SLC30A8: variants seen among roughly 807,000 people sequenced by gnomAD.
SLC30A8 encodes solute carrier family 30 member 8.
Under a neutral mutation model 36.9 loss-of-function variants are expected in SLC30A8, and 27 were observed. The observed-to-expected ratio is 0.73, with a 90% CI of 0.54 to 1.01. The LOEUF (loss-of-function observed/expected upper bound fraction) is 1.01. Among genes scored for constraint, SLC30A8 ranks in the 50% least tolerant of loss-of-function variants. The pLI, the probability that SLC30A8 is intolerant of heterozygous loss-of-function variation, is 0.00. For missense variants in SLC30A8, 439 were observed against 452.0 expected (o/e 0.97, Z 0.26); for synonymous variants, 164 against 172.4 (o/e 0.95, Z 0.38).
intron 3 of SLC30A8, among the ~76,000 whole-genome samples, chr8:117,154,579 TC>T (rs1822376860): frequency 6.6e-6 from 1 of 152,328 alleles, no homozygotes; most frequent in East Asian, 1.9e-4. Flanking sequence ...TTGACTTGCT[TC>T]CCTTTAACAT....
At chr8:116,958,156 G>A (rs569821998) in intron 1 of SLC30A8, among the ~76,000 whole-genome samples, 4 of 152,314 alleles carry the variant, frequency 2.6e-5, no homozygotes, top group African/African-American at 4.8e-5. Context: ...GCCACGTCAG[G>A]GCTGGACCGC....
At chr8:117,168,115 C>T (rs984732922) in intron 6 of SLC30A8, among the ~76,000 whole-genome samples, 3 of 152,068 alleles carry the variant, frequency 2.0e-5, no homozygotes, top group African/African-American at 7.2e-5. Flanking sequence ...CACCTGGCCC[C>T]CACCCTTGAC....
chr8:117,067,210 C>A (rs368422723), intron 2 of SLC30A8, among the ~76,000 whole-genome samples: 1 of 152,084 alleles, frequency 6.6e-6, no homozygotes, highest in Non-Finnish European at 1.5e-5. Flanking sequence ...TCTCACCACA[C>A]GTAGGGATTA....
chr8:117,018,126 G>C (rs1004066502), intron 1 of SLC30A8: 4 of 152,214 alleles, frequency 2.6e-5, no homozygotes, highest in African/African-American at 9.7e-5. Flanking sequence ...TGCCTAAAGA[G>C]GGATGAACTG....
intron 2 of SLC30A8, among the ~76,000 whole-genome samples, chr8:117,072,117 C>A (rs1280266420): frequency 6.6e-6 from 1 of 152,218 alleles, no homozygotes; most frequent in African/African-American, 2.4e-5. Context: ...TTTCTTACTG[C>A]TTTGGCACCA....
chr8:116,964,478 G>A (rs1479891300), intron 1 of SLC30A8, among the ~76,000 whole-genome samples: 4 of 152,132 alleles, frequency 2.6e-5, no homozygotes, highest in Admixed American at 2.6e-4. Context: ...CTCTAATTAA[G>A]GGGGGCAGCC....
chr8:116,976,008 C>T (rs1814989365), intron 1 of SLC30A8, among the ~76,000 whole-genome samples: 1 of 152,026 alleles, frequency 6.6e-6, no homozygotes, highest in African/African-American at 2.4e-5. Flanking sequence ...AACTAGAAGC[C>T]AATAAGGAAG....
intron 1 of SLC30A8, among the ~76,000 whole-genome samples, chr8:116,961,808 A>G (rs532468211): frequency 2.4e-4 from 36 of 151,904 alleles, no homozygotes; most frequent in Non-Finnish European, 1.9e-4. Flanking sequence ...TGTGTCGCTC[A>G]GACTAGAGTG....
rs111913339 is a variant in SLC30A8, at chr8:117,025,642, T to C, written c.-265-13577T>C. Among the ~76,000 whole-genome samples, 363 of 152,322 alleles carry C rather than the reference T, an allele frequency of 2.4e-3. 2 individuals carry two copies. The highest frequency in any genetic ancestry group is 8.5e-3 in the African/African-American group (353 of 41,572). On this transcript the variant is annotated intron_variant, in intron 1 of 10. Coordinates refer to the SLC30A8 transcript ENST00000427715. Reference sequence around the variant, plus strand: ...CATTCATATTCTCTTTTTCCATGCTTTTCTTTGATCCAGGGCTGATTGATC... The same window carrying C: ...CATTCATATTCTCTTTTTCCATGCTCTTCTTTGATCCAGGGCTGATTGATC...
intron 1 of SLC30A8, among the ~76,000 whole-genome samples, chr8:116,990,949 T>A (rs538852165): frequency 2.0e-5 from 3 of 152,178 alleles, no homozygotes; most frequent in South Asian, 2.1e-4. Context: ...ACAGAAAGAC[T>A]GAGAGAGAGA....
chr8:117,143,709 C>A (rs1418650361), intron 1 of SLC30A8, among the ~76,000 whole-genome samples: 1 of 151,490 alleles, frequency 6.6e-6, no homozygotes, highest in Non-Finnish European at 1.5e-5. Context: ...CACACATGAA[C>A]ACATCGTATA....
chr8:117,157,932 A>T, intron 4 of SLC30A8, 88 bp downstream of exon 4: 1 of 1,421,476 alleles, frequency 7.0e-7, no homozygotes, highest in South Asian at 1.3e-5. Context: ...AACTCAGTAC[A>T]TGTGAAGATG....
At chr8:116,954,408 G>A (rs149270772) in intron 1 of SLC30A8, among the ~76,000 whole-genome samples, 1 of 152,168 alleles carries the variant, frequency 6.6e-6, no homozygotes, top group Non-Finnish European at 1.5e-5. Context: ...CATCATAAAT[G>A]TCAACATCTG....
chr8:117,057,338 A>G (rs902643455), intron 2 of SLC30A8, among the ~76,000 whole-genome samples: 9 of 152,218 alleles, frequency 5.9e-5, no homozygotes, highest in Non-Finnish European at 1.0e-4. Context: ...GCTTACCACA[A>G]TTGAATTAAT....
chr8:117,087,495 C>T (rs1818925845), intron 2 of SLC30A8, among the ~76,000 whole-genome samples: 1 of 152,148 alleles, frequency 6.6e-6, no homozygotes, highest in Non-Finnish European at 1.5e-5. Context: ...TCTAGCTAAG[C>T]CTGTATGATA....
intron 1 of SLC30A8, among the ~76,000 whole-genome samples, chr8:116,960,262 T>C (rs980155550): frequency 6.6e-6 from 1 of 152,234 alleles, no homozygotes; most frequent in African/African-American, 2.4e-5. Flanking sequence ...TGAAGTAATG[T>C]ATCATAGAAT....
chr8:116,982,341 A>G (rs1473421838), intron 1 of SLC30A8, among the ~76,000 whole-genome samples: 1 of 152,084 alleles, frequency 6.6e-6, no homozygotes, highest in Non-Finnish European at 1.5e-5. Context: ...ATTATTGTCC[A>G]TAGATTCTTG....
intron 2 of SLC30A8, among the ~76,000 whole-genome samples, chr8:117,072,605 T>C (rs910611609): frequency 3.3e-5 from 5 of 152,192 alleles, no homozygotes; most frequent in Non-Finnish European, 5.9e-5. Context: ...TCCTTCACAA[T>C]ATCCTACTTT....
chr8:117,031,814 G>C (rs1467481644), intron 1 of SLC30A8, among the ~76,000 whole-genome samples: 2 of 152,092 alleles, frequency 1.3e-5, no homozygotes, highest in African/African-American at 4.8e-5. Flanking sequence ...TCCTGCACGT[G>C]CTTGATGCCA....
Sources: gnomAD v4.1 joint callset for allele counts (sites outside exome capture counted in the v4.1 genomes callset) on GRCh38, gnomAD v4.1.1 for gene constraint, MANE v1.5 for transcripts, NCBI Gene and HGNC (gene_info 2026-07-23, HGNC 2026-07-21) for gene names.